The following UBE2E2 variants were observed in gnomAD, a reference collection of about 807,000 sequenced individuals.
The protein encoded by UBE2E2 is ubiquitin conjugating enzyme E2 E2, also known as ubiquitin-conjugating enzyme E2 E2.
Under a neutral mutation model 24.7 loss-of-function variants are expected in UBE2E2, and 6 were observed. The ratio of observed to expected loss-of-function variants is 0.24; its 90% CI spans 0.13 to 0.48. The LOEUF (loss-of-function observed/expected upper bound fraction) is 0.48. Ranked by LOEUF, UBE2E2 falls within the 20% of genes least tolerant of loss-of-function variation. UBE2E2 has a pLI of 0.99. For missense variants in UBE2E2, 169 were observed against 245.0 expected, an observed-to-expected ratio of 0.69 and a Z score of 2.07; for synonymous variants, 104 against 83.6, an observed-to-expected ratio of 1.24 and a Z score of -1.33.
intron 5 of UBE2E2, among the ~76,000 whole-genome samples, chr3:23,555,255 G>T (rs1673891513): frequency 2.0e-5 from 3 of 152,070 alleles, no homozygotes; most frequent in African/African-American, 7.2e-5. Flanking sequence ...ACATTAAAAT[G>T]GCCAATAAGT....
chr3:23,313,090 A>C (rs927090533), intron 3 of UBE2E2, among the ~76,000 whole-genome samples: 11 of 152,138 alleles, frequency 7.2e-5, no homozygotes, highest in African/African-American at 2.7e-4. Flanking sequence ...GAAATGTTCT[A>C]TAAATATCTA....
At chr3:23,423,324 T>C (rs1697848778) in intron 3 of UBE2E2, among the ~76,000 whole-genome samples, 1 of 152,220 alleles carries the variant, frequency 6.6e-6, no homozygotes, top group Non-Finnish European at 1.5e-5. Flanking sequence ...AGTAAAGATA[T>C]ATTTTTCAAA....
At chr3:23,389,667 G>A (rs71322181) in intron 3 of UBE2E2, 29,472 of 262,984 alleles carry the variant, frequency 0.11, 1,960 homozygotes, top group East Asian at 0.14. Flanking sequence ...TTCACTAGTC[G>A]TGGCTGGCTT....
intron 3 of UBE2E2, among the ~76,000 whole-genome samples, chr3:23,296,916 G>T (rs1324060036): frequency 2.0e-5 from 3 of 152,160 alleles, no homozygotes; most frequent in Admixed American, 6.5e-5. Context: ...CTAGTTTACA[G>T]TCCCACCAAC....
intron 3 of UBE2E2, among the ~76,000 whole-genome samples, chr3:23,307,457 G>A (rs903521944): frequency 2.0e-5 from 3 of 152,032 alleles, no homozygotes; most frequent in East Asian, 1.9e-4. Context: ...CCATAATGAT[G>A]TATTTATGAC....
At chr3:23,430,946 A>T (rs1698046410) in intron 3 of UBE2E2, among the ~76,000 whole-genome samples, 1 of 152,172 alleles carries the variant, frequency 6.6e-6, no homozygotes, top group Admixed American at 6.5e-5. Context: ...TCAGTTGAGT[A>T]TAGATTTGGC....
chr3:23,479,902 G>A (rs746521546), intron 3 of UBE2E2, among the ~76,000 whole-genome samples: 6 of 152,064 alleles, frequency 3.9e-5, no homozygotes, highest in Non-Finnish European at 4.4e-5. Flanking sequence ...GGGCTGTCAC[G>A]GGTGGGCCTG....
chr3:23,487,777 G>A (rs765695577), intron 3 of UBE2E2, among the ~76,000 whole-genome samples: 1 of 152,068 alleles, frequency 6.6e-6, no homozygotes, highest in Admixed American at 6.5e-5. Flanking sequence ...ACCATGTTAC[G>A]GTAATAGATT....
chr3:23,483,205 G>A (rs1309951092), intron 3 of UBE2E2, among the ~76,000 whole-genome samples: 3 of 152,266 alleles, frequency 2.0e-5, no homozygotes, highest in African/African-American at 7.2e-5. Context: ...TTCAGTGCTC[G>A]TCTAGGTTTG....
chr3:23,382,903 T>C (rs921692872), intron 3 of UBE2E2, among the ~76,000 whole-genome samples: 4 of 152,184 alleles, frequency 2.6e-5, no homozygotes, highest in African/African-American at 9.7e-5. Flanking sequence ...TAGTTTTTTT[T>C]TTGTACCAAG....
rs190639263 is a variant in UBE2E2, at chr3:23,466,068, G to T, written c.228-33540G>T. The stretch of plus-strand genomic sequence containing the variant: ...GATATCATCCAAAATGTGGCACATT[G>T]TCACCAGAAGTATGCAGAATGATTA... On this transcript the variant is annotated intron_variant, in intron 3 of 5. Coordinates refer to ENST00000396703, the MANE Select transcript of UBE2E2 (RefSeq NM_152653.4). Among the ~76,000 whole-genome samples, 237 of 152,186 alleles carry T rather than the reference G, an allele frequency of 1.6e-3. 2 individuals are homozygous for T. Among genetic ancestry groups the T allele is most frequent in the Non-Finnish European group, 3.2e-3 (217 of 67,994 alleles).
intron 1 of UBE2E2, chr3:23,204,610 T>C (rs1028583602): frequency 2.2e-6 from 2 of 891,266 alleles, no homozygotes. Flanking sequence ...CTTGGCTCTT[T>C]GGAATTCTGT....
At chr3:23,460,832 A>G (rs1698792478) in intron 3 of UBE2E2, among the ~76,000 whole-genome samples, 1 of 152,208 alleles carries the variant, frequency 6.6e-6, no homozygotes, top group Non-Finnish European at 1.5e-5. Flanking sequence ...TATTTTATTG[A>G]TTTTTAAGAA....
chr3:23,361,471 A>G (rs1166767364), intron 3 of UBE2E2, among the ~76,000 whole-genome samples: 1 of 152,254 alleles, frequency 6.6e-6, no homozygotes, highest in African/African-American at 2.4e-5. Flanking sequence ...AATGTGGTAT[A>G]TAGACACCAT....
At chr3:23,462,441 A>G (rs1045700723) in intron 3 of UBE2E2, among the ~76,000 whole-genome samples, 1 of 152,214 alleles carries the variant, frequency 6.6e-6, no homozygotes, top group Admixed American at 6.5e-5. Context: ...AGTGTTCATC[A>G]GTCTTCACAG....
At chr3:23,313,789 T>G (rs1694489045) in intron 3 of UBE2E2, among the ~76,000 whole-genome samples, 1 of 152,086 alleles carries the variant, frequency 6.6e-6, no homozygotes, top group South Asian at 2.1e-4. Flanking sequence ...GCTCCTGCCG[T>G]TTTGTTACTT....
chr3:23,392,733 G>C (rs191279080), intron 3 of UBE2E2, among the ~76,000 whole-genome samples: 1 of 152,240 alleles, frequency 6.6e-6, no homozygotes, highest in East Asian at 1.9e-4. Context: ...TTTTAATGTG[G>C]AGACAGATGC....
At chr3:23,285,432 T>G (rs1263395242) in intron 3 of UBE2E2, among the ~76,000 whole-genome samples, 2 of 152,184 alleles carry the variant, frequency 1.3e-5, no homozygotes, top group Non-Finnish European at 2.9e-5. Flanking sequence ...CAATTTTTAA[T>G]TTTTTGAGCA....
intron 3 of UBE2E2, among the ~76,000 whole-genome samples, chr3:23,337,727 G>A (rs898832496): frequency 6.6e-6 from 1 of 152,138 alleles, no homozygotes; most frequent in African/African-American, 2.4e-5. Context: ...AATTCAAAAA[G>A]GTTAATATAG....
Sources: gnomAD v4.1 joint callset for allele counts (sites outside exome capture counted in the v4.1 genomes callset) on GRCh38, gnomAD v4.1.1 for gene constraint, MANE v1.5 for transcripts, NCBI Gene and HGNC (gene_info 2026-07-23, HGNC 2026-07-21) for gene names.